ZXDC: variants seen among roughly 807,000 people sequenced by gnomAD.
The protein encoded by ZXDC is ZXD family zinc finger C, also known as zinc finger protein ZXDC.
ZXDC carries 58 observed loss-of-function variants against 63.6 expected under a neutral mutation model. That is an observed-to-expected ratio of 0.91 (90% CI 0.74 to 1.13). ZXDC has a LOEUF of 1.13. Ranked by LOEUF, ZXDC falls within the 50% of genes most tolerant of loss-of-function variation. ZXDC has a pLI of 0.00. For synonymous variants in ZXDC, 561 were observed against 496.1 expected, an observed-to-expected ratio of 1.13 and a Z score of -1.74; for missense variants, 1,133 against 1,148.9, an observed-to-expected ratio of 0.99 and a Z score of 0.20.
Position 126,438,367 on chromosome 3 carries a change from G to A in ZXDC, c.*8C>T. 2 of 1,610,620 alleles carry A rather than the reference G, an allele frequency of 1.2e-6. No individual in the cohort carries two copies. The highest frequency in any genetic ancestry group is 1.7e-6 in the Non-Finnish European group (2 of 1,178,572). The stretch of plus-strand genomic sequence containing the variant: ...GTGGCCTTGGGCCTGCCCAGGCCGA[G>A]GCTGCCGTCACTGCAGATCCTGCAG... On this transcript the variant is annotated 3_prime_UTR_variant, in exon 10 of 10. Transcript: ENST00000389709.
chr3:126,474,062 CTTTT>C (rs796761643), intron 1 of ZXDC, among the ~76,000 whole-genome samples: 4 of 129,886 alleles, frequency 3.1e-5, no homozygotes, highest in East Asian at 2.1e-4. Flanking sequence ...AGGCAGTGGA[CTTTT>C]TTTTTTTTTT....
intron 1 of ZXDC, among the ~76,000 whole-genome samples, chr3:126,474,490 A>T (rs1386707408): frequency 6.6e-6 from 1 of 152,208 alleles, no homozygotes; most frequent in Non-Finnish European, 1.5e-5. Flanking sequence ...AACGGAAATC[A>T]AAGTGCAAAA....
chr3:126,471,926 C>T (rs1934995492), intron 3 of ZXDC, 47 bp downstream of exon 3: 1 of 1,498,724 alleles, frequency 6.7e-7, no homozygotes, highest in Non-Finnish European at 9.1e-7. Context: ...TGCTGACAAA[C>T]CACTCATTTT....
intron 7 of ZXDC, chr3:126,443,218 C>A (rs1414052209): frequency 2.1e-4 from 32 of 152,228 alleles, no homozygotes; most frequent in Non-Finnish European, 1.5e-5. Context: ...ACTTCCATTA[C>A]AAAATACTTC....
At chr3:126,468,911 C>T (rs182906991) in intron 4 of ZXDC, among the ~76,000 whole-genome samples, 58 of 152,342 alleles carry the variant, frequency 3.8e-4, no homozygotes, top group Admixed American at 9.1e-4. Context: ...AGCCACTCCA[C>T]CGGAATCTGG....
chr3:126,450,537 G>A (rs1245733013), intron 7 of ZXDC: 3 of 456,650 alleles, frequency 6.6e-6, no homozygotes, highest in East Asian at 7.0e-5. Context: ...GGAGCCACAT[G>A]CATGTGACTA....
chr3:126,450,819 C>T (rs537260273), intron 7 of ZXDC, among the ~76,000 whole-genome samples: 1 of 152,358 alleles, frequency 6.6e-6, no homozygotes, highest in South Asian at 2.1e-4. Flanking sequence ...TGGAACACTC[C>T]AGTGTGTGTG....
rs142507119 is a variant in ZXDC at position 126,468,163 on chromosome 3, G to T, written c.1271-1838C>A. 3.5e-3 allele frequency among the ~76,000 whole-genome samples: 530 copies of T among 152,014 alleles called. 11 individuals are homozygous for T. The highest frequency in any genetic ancestry group is 0.029 in the Admixed American group (443 of 15,260). On this transcript the variant is annotated intron_variant, in intron 4 of 9. Coordinates refer to ENST00000389709, the MANE Select transcript of ZXDC (RefSeq NM_025112.5). The stretch of plus-strand genomic sequence containing the variant: ...TGCAAAGCTGCATTCAGAGGACAGT[G>T]AGGCGCTCACATGGACGGCCAGGCA...
chr3:126,471,272 CTAATA>C, intron 3 of ZXDC, among the ~76,000 whole-genome samples: 1 of 152,258 alleles, frequency 6.6e-6, no homozygotes, highest in East Asian at 1.9e-4. Flanking sequence ...CTACTTCAAT[CTAATA>C]TAAGCTAATC....
Position 126,461,898 on chromosome 3 carries a change from G to A in ZXDC, c.1764C>T (p.Ala588=). 1 of 1,614,194 alleles carries A rather than the reference G, an allele frequency of 6.2e-7. No homozygotes were observed. The highest frequency in any genetic ancestry group is 1.3e-5 in the African/African-American group (1 of 75,050). The change falls in exon 6 of 10, where the codon GCC becomes GCT. Residue 588 remains alanine, a synonymous_variant. Coordinates refer to ENST00000389709, the MANE Select transcript of ZXDC (RefSeq NM_025112.5). ...TGAAGCTGCCCTGCTGCAGAACCGT[G>A]GCTGCTGTCCCGAGAACCAGAGGGC... ...LDSPLVLGTA[A]TVLQQGSFSV...
At chr3:126,459,599 T>C in intron 7 of ZXDC, 54 bp downstream of exon 7, 3 of 1,612,446 alleles carry the variant, frequency 1.9e-6, no homozygotes, top group Non-Finnish European at 2.5e-6. Flanking sequence ...CCAGTAACAG[T>C]GACAGAGAAC....
chr3:126,472,421 A>G, intron 1 of ZXDC, 116 bp from the exon 2 acceptor site: 1 of 1,233,004 alleles, frequency 8.1e-7, no homozygotes, highest in Non-Finnish European at 1.1e-6. Context: ...GGAAAACATG[A>G]CTCAGAAGCA....
rs962371055 is a variant in ZXDC at position 126,475,851 on chromosome 3, C to G, written c.15G>C (p.Ala5=). 2.8e-6 allele frequency: 3 copies of G among 1,078,028 alleles called. No individual in the cohort carries two copies. Among genetic ancestry groups the G allele is most frequent in the Non-Finnish European group, 1.1e-6 (1 of 890,804 alleles). 66.8% of individuals were successfully genotyped at this position (1,078,028 alleles called of 1,614,324 possible). A position where few individuals can be genotyped will look rare whatever the true frequency, so the allele number is the denominator to read the frequency against. Residue 5 remains alanine, a synonymous_variant, in exon 1 of 10, where the codon GCG becomes GCC. Coordinates refer to ENST00000389709, the MANE Select transcript of ZXDC (RefSeq NM_025112.5). MDLP[A]LLPAPTARGG... ...CGCGCGCAGTCGGGGCGGGGAGCAGCGCCGGGAGGTCCATCTTGGTCCCAG... is the reference window on the plus strand; with the variant it reads ...CGCGCGCAGTCGGGGCGGGGAGCAGGGCCGGGAGGTCCATCTTGGTCCCAG...
chr3:126,471,929 C>G, intron 3 of ZXDC, 44 bp downstream of exon 3: 1 of 1,515,262 alleles, frequency 6.6e-7, no homozygotes, highest in Non-Finnish European at 9.0e-7. Context: ...TGACAAACCA[C>G]TCATTTTCAA....
At chr3:126,469,538 C>T (rs1934897811) in intron 4 of ZXDC, among the ~76,000 whole-genome samples, 1 of 152,198 alleles carries the variant, frequency 6.6e-6, no homozygotes, top group Non-Finnish European at 1.5e-5. Flanking sequence ...CCGTCCAGGC[C>T]ATCCCACCTC....
At chr3:126,461,393 T>C in intron 6 of ZXDC, 142 bp downstream of exon 6, 1 of 1,425,646 alleles carries the variant, frequency 7.0e-7, no homozygotes, top group Non-Finnish European at 9.1e-7. Context: ...TAAGAACTTG[T>C]CAGTTCCAGA....
chr3:126,438,939 C>T (rs1043842758), intron 9 of ZXDC, among the ~76,000 whole-genome samples: 1 of 152,138 alleles, frequency 6.6e-6, no homozygotes, highest in Non-Finnish European at 1.5e-5. Flanking sequence ...TATGTCACTA[C>T]CTTATTTTTT....
intron 6 of ZXDC, 173 bp from the exon 7 acceptor site, chr3:126,459,910 G>A: frequency 9.1e-6 from 9 of 985,452 alleles, no homozygotes; most frequent in Non-Finnish European, 1.1e-5. Context: ...GGCGAGGGCC[G>A]AACAAACTTG....
intron 6 of ZXDC, chr3:126,460,885 T>A: frequency 1.0e-6 from 1 of 985,398 alleles, no homozygotes; most frequent in Non-Finnish European, 1.2e-6. Flanking sequence ...AAATTTAGCC[T>A]GTGCCACAAA....
Sources: allele counts gnomAD v4.1 joint callset (sites outside exome capture counted in the v4.1 genomes callset), GRCh38; gene constraint gnomAD v4.1.1; transcripts MANE v1.5; gene names NCBI Gene and HGNC (gene_info 2026-07-23, HGNC 2026-07-21).